Variants in GLIS1 observed in about 807,000 individuals in gnomAD.
The protein encoded by GLIS1 is zinc finger protein GLIS1.
A neutral mutation model predicts 63.8 loss-of-function variants in GLIS1; 24 were observed. That is an observed-to-expected ratio of 0.38 (90% CI 0.27 to 0.53). GLIS1 has a LOEUF of 0.53. Ranked by LOEUF, GLIS1 falls within the 20% of genes least tolerant of loss-of-function variation. The pLI, the probability that GLIS1 is intolerant of heterozygous loss-of-function variation, is 0.85. For synonymous variants in GLIS1, 450 were observed against 482.5 expected, an observed-to-expected ratio of 0.93 and a Z score of 0.88; for missense variants, 1,036 against 1,074.1, an observed-to-expected ratio of 0.96 and a Z score of 0.50.
chr1:53,605,332 A>G (rs896406290), intron 2 of GLIS1, among the ~76,000 whole-genome samples: 3 of 152,058 alleles, frequency 2.0e-5, no homozygotes, highest in Non-Finnish European at 4.4e-5. Flanking sequence ...TCGGCATCCC[A>G]TCAGGGTGGC....
chr1:53,726,471 G>A (rs866068852), intron 2 of GLIS1, among the ~76,000 whole-genome samples: 3 of 152,334 alleles, frequency 2.0e-5, no homozygotes, highest in Middle Eastern at 3.4e-3. Context: ...GTGGGGAACA[G>A]GGTAGTCCTG....
intron 8 of GLIS1, among the ~76,000 whole-genome samples, chr1:53,512,904 G>A (rs181915293): frequency 7.9e-5 from 12 of 152,144 alleles, no homozygotes; most frequent in East Asian, 1.9e-4. Context: ...GGGTGGGGGC[G>A]GGGACCATCG....
chr1:53,633,801 C>T (rs1262571468), intron 2 of GLIS1, among the ~76,000 whole-genome samples: 4 of 151,932 alleles, frequency 2.6e-5, no homozygotes, highest in African/African-American at 7.3e-5. Flanking sequence ...AAAAATGTCT[C>T]GGCGTGGGGG....
chr1:53,651,516 G>C (rs1031246764), intron 2 of GLIS1, among the ~76,000 whole-genome samples: 2 of 151,690 alleles, frequency 1.3e-5, no homozygotes, highest in East Asian at 1.9e-4. Flanking sequence ...AGGTGGGTCT[G>C]GGGGGGCGAC....
At chr1:53,612,288 G>A (rs1369941699) in intron 2 of GLIS1, among the ~76,000 whole-genome samples, 2 of 152,064 alleles carry the variant, frequency 1.3e-5, no homozygotes, top group Non-Finnish European at 2.9e-5. Context: ...CACCCAAGCT[G>A]GAGTGCAGTG....
chr1:53,658,734 C>T (rs962972238), intron 2 of GLIS1, among the ~76,000 whole-genome samples: 5 of 152,196 alleles, frequency 3.3e-5, no homozygotes, highest in Non-Finnish European at 5.9e-5. Context: ...CCCTGTCAGC[C>T]ACTCACTGCT....
At chr1:53,538,931 G>A (rs1165424103) in intron 4 of GLIS1, among the ~76,000 whole-genome samples, 1 of 152,098 alleles carries the variant, frequency 6.6e-6, no homozygotes, top group East Asian at 1.9e-4. Flanking sequence ...AGGGCATGTG[G>A]AACCCCCGAA....
chr1:53,626,035 C>T (rs1470925453), intron 2 of GLIS1, among the ~76,000 whole-genome samples: 1 of 152,204 alleles, frequency 6.6e-6, no homozygotes, highest in Non-Finnish European at 1.5e-5. Context: ...CTCTAGGGCT[C>T]ACGACAATGG....
intron 2 of GLIS1, among the ~76,000 whole-genome samples, chr1:53,733,670 C>T (rs540776810): frequency 5.3e-5 from 8 of 152,192 alleles, no homozygotes; most frequent in African/African-American, 1.4e-4. Flanking sequence ...TGACTGTAGA[C>T]GCAACATGTT....
intron 2 of GLIS1, among the ~76,000 whole-genome samples, chr1:53,637,723 T>C (rs1645741694): frequency 6.6e-6 from 1 of 152,126 alleles, no homozygotes; most frequent in South Asian, 2.1e-4. Flanking sequence ...TCCTGCAGGC[T>C]TTGGCTGGTG....
At chr1:53,670,789 G>A (rs1482006347) in intron 2 of GLIS1, among the ~76,000 whole-genome samples, 2 of 152,210 alleles carry the variant, frequency 1.3e-5, no homozygotes, top group Non-Finnish European at 2.9e-5. Flanking sequence ...TCTCTGCTCT[G>A]CAGCACCCAG....
chr1:53,594,070 G>A, intron 4 of GLIS1, 38 bp downstream of exon 4: 2 of 1,572,948 alleles, frequency 1.3e-6, no homozygotes, highest in Non-Finnish European at 1.7e-6. Context: ...CTCTGCCAGA[G>A]GGGCTGGGGT....
chr1:53,676,911 C>T (rs1452816314), intron 2 of GLIS1, among the ~76,000 whole-genome samples: 1 of 152,226 alleles, frequency 6.6e-6, no homozygotes, highest in Non-Finnish European at 1.5e-5. Flanking sequence ...AGGCTTTGGA[C>T]GCACTTGCCT....
chr1:53,658,520 C>T (rs1377163548), intron 2 of GLIS1, among the ~76,000 whole-genome samples: 1 of 152,172 alleles, frequency 6.6e-6, no homozygotes, highest in East Asian at 1.9e-4. Flanking sequence ...TGTCAGGCAA[C>T]ACAGCAGTCA....
chr1:53,510,760 G>A (rs1275891649), intron 8 of GLIS1, among the ~76,000 whole-genome samples: 1 of 152,176 alleles, frequency 6.6e-6, no homozygotes, highest in Non-Finnish European at 1.5e-5. Flanking sequence ...CGGTCCCATG[G>A]CCAAGTCGGC....
At chr1:53,542,441 A>C (rs990525214) in intron 4 of GLIS1, among the ~76,000 whole-genome samples, 6 of 152,268 alleles carry the variant, frequency 3.9e-5, no homozygotes, top group Non-Finnish European at 8.8e-5. Flanking sequence ...GGGCTGGCAC[A>C]GAGCGGGTGT....
chr1:53,592,151 G>A (rs1440797967), intron 4 of GLIS1, among the ~76,000 whole-genome samples: 2 of 152,214 alleles, frequency 1.3e-5, no homozygotes, highest in Admixed American at 6.5e-5. Context: ...CAGCCTGGCC[G>A]CAGAGAGAGA....
At chr1:53,617,556 T>C (rs1289213438) in intron 2 of GLIS1, among the ~76,000 whole-genome samples, 1 of 152,228 alleles carries the variant, frequency 6.6e-6, no homozygotes, top group Non-Finnish European at 1.5e-5. Flanking sequence ...ATCTGTGTGT[T>C]TGCAGCCATC....
intron 7 of GLIS1, among the ~76,000 whole-genome samples, chr1:53,517,168 C>T (rs541267550): frequency 2.0e-4 from 30 of 152,146 alleles, no homozygotes; most frequent in African/African-American, 7.0e-4. Flanking sequence ...GAGAGAAAGT[C>T]CACTTGAGGC....
Sources: allele counts gnomAD v4.1 joint callset (sites outside exome capture counted in the v4.1 genomes callset), GRCh38; gene constraint gnomAD v4.1.1; transcripts MANE v1.5; gene names NCBI Gene and HGNC (gene_info 2026-07-23, HGNC 2026-07-21).